Variants in ANKRD17 observed in about 807,000 individuals in gnomAD.
ANKRD17 encodes the protein ankyrin repeat domain-containing protein 17.
A neutral mutation model predicts 229.7 loss-of-function variants in ANKRD17; 19 were observed. The observed-to-expected ratio is 0.08, with a 90% CI of 0.06 to 0.12. The LOEUF (loss-of-function observed/expected upper bound fraction) is 0.12, where lower values mean the gene tolerates loss of function less well. ANKRD17 is among the 10% of genes least tolerant of loss of function. The pLI is 1.00. For synonymous variants in ANKRD17, 1,112 were observed against 1,146.1 expected (o/e 0.97, Z 0.60); for missense variants, 2,176 against 3,176.8 (o/e 0.68, Z 7.57).
chr4:73,225,887 A>G (rs1742426361), intron 1 of ANKRD17, among the ~76,000 whole-genome samples: 1 of 141,274 alleles, frequency 7.1e-6, no homozygotes. Context: ...AAAAAAAAAG[A>G]AAGAAAAGAA....
At chr4:73,221,292 A>G (rs1741815012) in intron 1 of ANKRD17, among the ~76,000 whole-genome samples, 1 of 152,152 alleles carries the variant, frequency 6.6e-6, no homozygotes, top group South Asian at 2.1e-4. Context: ...AAATAAGGTA[A>G]CATGAAATCT....
At chr4:73,189,157 T>C (rs1578328408) in intron 1 of ANKRD17, among the ~76,000 whole-genome samples, 1 of 151,960 alleles carries the variant, frequency 6.6e-6, no homozygotes, top group African/African-American at 2.4e-5. Context: ...AGAAAACAGA[T>C]GGAAAAACTC....
At chr4:73,186,363 C>A (rs1736291095) in intron 1 of ANKRD17, among the ~76,000 whole-genome samples, 1 of 152,098 alleles carries the variant, frequency 6.6e-6, no homozygotes, top group Non-Finnish European at 1.5e-5. Flanking sequence ...GAAATAAAAT[C>A]TTTCTTGTAA....
chr4:73,207,094 G>T (rs1306181934), intron 1 of ANKRD17, among the ~76,000 whole-genome samples: 1 of 152,110 alleles, frequency 6.6e-6, no homozygotes, highest in Non-Finnish European at 1.5e-5. Flanking sequence ...AAAGTGCTAG[G>T]ATTACAGGCA....
At chr4:73,206,850 T>C (rs1479308106) in intron 1 of ANKRD17, among the ~76,000 whole-genome samples, 1 of 151,972 alleles carries the variant, frequency 6.6e-6, no homozygotes, top group African/African-American at 2.4e-5. Context: ...CAAGACAGAG[T>C]TTCACTCTTA....
rs1257449703 is a variant in ANKRD17, at chr4:73,162,329, T to C, written c.548-981A>G. Among the ~76,000 whole-genome samples the C allele has an allele frequency of 3.9e-5, 6 of 152,116 alleles. No individual in the cohort carries two copies. The South Asian group carries it at 1.2e-3, about 31-fold the overall frequency. On this transcript the variant is annotated intron_variant, in intron 2 of 33. Coordinates refer to ENST00000358602, the MANE Select transcript of ANKRD17 (RefSeq NM_032217.5). ...CATGCCAAAGTACTGGGATTATAGG[T>C]GTGAGCCACCGCAGCAGGACACCCA...
chr4:73,107,450 G>A (rs1440765215), intron 24 of ANKRD17, among the ~76,000 whole-genome samples: 4 of 152,186 alleles, frequency 2.6e-5, no homozygotes, highest in African/African-American at 9.7e-5. Context: ...GTTGGTTAGG[G>A]GAGGGTGGAT....
chr4:73,094,818 T>C (rs979509562), intron 27 of ANKRD17, among the ~76,000 whole-genome samples: 4 of 152,024 alleles, frequency 2.6e-5, no homozygotes, highest in African/African-American at 9.7e-5. Context: ...GGGCCCCTTT[T>C]GGTGCTTTAC....
At chr4:73,187,614 T>A (rs915407395) in intron 1 of ANKRD17, among the ~76,000 whole-genome samples, 2 of 152,224 alleles carry the variant, frequency 1.3e-5, no homozygotes, top group African/African-American at 4.8e-5. Context: ...AAAAATTCTG[T>A]AAGGAGGCCT....
At chr4:73,081,671 C>T (rs1721578700) in intron 30 of ANKRD17, among the ~76,000 whole-genome samples, 1 of 152,094 alleles carries the variant, frequency 6.6e-6, no homozygotes, top group Non-Finnish European at 1.5e-5. Context: ...TTTTGGGAAC[C>T]TTTTTTAGAA....
At chr4:73,180,465 G>C (rs1312745688) in intron 1 of ANKRD17, among the ~76,000 whole-genome samples, 1 of 152,032 alleles carries the variant, frequency 6.6e-6, no homozygotes, top group Non-Finnish European at 1.5e-5. Flanking sequence ...AAACTTACTA[G>C]GAAAATTGCA....
chr4:73,251,908 A>C (rs1745065531), intron 1 of ANKRD17, among the ~76,000 whole-genome samples: 1 of 152,226 alleles, frequency 6.6e-6, no homozygotes, highest in African/African-American at 2.4e-5. Context: ...TTTGATGCTT[A>C]TTAAACACTG....
At chr4:73,203,848 T>C (rs1216370578) in intron 1 of ANKRD17, among the ~76,000 whole-genome samples, 9 of 150,986 alleles carry the variant, frequency 6.0e-5, no homozygotes, top group Admixed American at 5.9e-4. Context: ...ATCCAATACG[T>C]TCCACAGTCT....
At chr4:73,158,962 A>G (rs1473997674) in intron 3 of ANKRD17, among the ~76,000 whole-genome samples, 1 of 152,208 alleles carries the variant, frequency 6.6e-6, no homozygotes, top group Admixed American at 6.5e-5. Flanking sequence ...TTTCTTGCCC[A>G]GTTTCAGGAA....
rs1723176581 is a variant in ANKRD17 at position 73,095,292 on chromosome 4, TA to T, written c.5178-1065del. 2.6e-5 allele frequency among the ~76,000 whole-genome samples: 4 copies of T among 151,926 alleles called. No individual in the cohort carries two copies. In the South Asian group the frequency reaches 8.3e-4, roughly 32 times the overall value. On this transcript the variant is annotated intron_variant, in intron 27 of 33. Coordinates refer to ENST00000358602, the MANE Select transcript of ANKRD17 (RefSeq NM_032217.5). ...AATAATGTCCGGAAAAAGAAAATCCTACTAGAATTTAAAAAGCAAAATCTGA... is the reference window on the plus strand; with the variant it reads ...AATAATGTCCGGAAAAAGAAAATCCTCTAGAATTTAAAAAGCAAAATCTGA...
intron 1 of ANKRD17, among the ~76,000 whole-genome samples, chr4:73,200,974 T>C (rs1027962830): frequency 1.6e-4 from 10 of 61,984 alleles, no homozygotes; most frequent in Non-Finnish European, 1.1e-4. Context: ...ATCACCTGCT[T>C]AAACAGTATG....
chr4:73,141,861 A>AAT lies in ANKRD17; in HGVS notation c.2230-19_2230-18insAT. On this transcript the variant is annotated intron_variant, in intron 13 of 33. Transcript: ENST00000358602. ...CGAGGAGCCTAAGACAAAGGACACTAAGTGACTATTAGTGTCCTACACAAT... is the reference window on the plus strand; with the variant it reads ...CGAGGAGCCTAAGACAAAGGACACTAATAGTGACTATTAGTGTCCTACACAAT... The AAT allele has an allele frequency of 6.3e-6, 10 of 1,595,802 alleles. No homozygotes were observed. The highest frequency in any genetic ancestry group is 7.7e-6 in the Non-Finnish European group (9 of 1,164,204).
intron 5 of ANKRD17, among the ~76,000 whole-genome samples, chr4:73,155,402 T>C (rs1224931879): frequency 6.6e-6 from 1 of 152,212 alleles, no homozygotes; most frequent in African/African-American, 2.4e-5. Flanking sequence ...AGTGTTTTAC[T>C]TTTATCTTAA....
chr4:73,154,149 T>A (rs774175125), intron 5 of ANKRD17, 36 bp from the exon 6 acceptor site: 1 of 1,421,150 alleles, frequency 7.0e-7, no homozygotes, highest in Non-Finnish European at 9.4e-7. Flanking sequence ...GACATTAACA[T>A]AAAATACCAA....
Sources: allele counts gnomAD v4.1 joint callset (sites outside exome capture counted in the v4.1 genomes callset), GRCh38; gene constraint gnomAD v4.1.1; transcripts MANE v1.5; gene names NCBI Gene and HGNC (gene_info 2026-07-23, HGNC 2026-07-21).